The following VANGL2 variants were observed in gnomAD, a reference collection of about 807,000 sequenced individuals.
VANGL2 encodes vang-like protein 2.
VANGL2 carries 14 observed loss-of-function variants against 50.2 expected under a neutral mutation model. The ratio of observed to expected loss-of-function variants is 0.28; its 90% CI spans 0.18 to 0.44. The LOEUF is 0.44. VANGL2 is among the 20% of genes least tolerant of loss of function. The probability of loss-of-function intolerance (pLI) is 1.00; values close to 1 mark genes in which losing one functional copy is unlikely to be tolerated. For synonymous variants in VANGL2, 295 were observed against 297.2 expected (o/e 0.99, Z 0.08); for missense variants, 533 against 701.5 (o/e 0.76, Z 2.71).
Position 160,419,265 on chromosome 1 carries a change from C to T in VANGL2, c.456C>T (p.Val152=), listed in dbSNP as rs770544019. 2.2e-5 allele frequency: 35 copies of T among 1,607,598 alleles called. No homozygotes were observed. The highest frequency in any genetic ancestry group is 5.0e-5 in the Admixed American group (3 of 60,004). Residue 152 remains valine (V), a synonymous_variant, in exon 4 of 8, where the codon GTC becomes GTT. Coordinates refer to ENST00000368061, the MANE Select transcript of VANGL2 (RefSeq NM_020335.3). The surrounding 1 kb of genome is among the most constrained non-coding windows in gnomAD (Gnocchi z 5.8). ...GTACEGLFIS[V]AFKLLILLLG... The stretch of plus-strand genomic sequence containing the variant: ...CCTGCGAGGGCCTCTTCATCTCTGT[C>T]GCCTTCAAGCTGCTCATCCTGCTAC...
intron 1 of VANGL2, among the ~76,000 whole-genome samples, chr1:160,411,346 C>T (rs556148841): frequency 1.4e-4 from 22 of 151,996 alleles, no homozygotes; most frequent in Non-Finnish European, 2.8e-4. Flanking sequence ...CTCCCTGTCT[C>T]GTCATCCCTC....
intron 1 of VANGL2, among the ~76,000 whole-genome samples, chr1:160,411,864 G>T (rs1650892212): frequency 6.7e-6 from 1 of 149,104 alleles, no homozygotes; most frequent in South Asian, 2.1e-4. Context: ...GTTCTGGTTG[G>T]TGTGTGTGTG....
At chr1:160,409,735 G>T (rs1188955878) in intron 1 of VANGL2, among the ~76,000 whole-genome samples, 2 of 152,212 alleles carry the variant, frequency 1.3e-5, no homozygotes, top group African/African-American at 2.4e-5. Context: ...TTAGGCCTTG[G>T]TGAGGTACTC....
intron 5 of VANGL2, 112 bp downstream of exon 5, chr1:160,420,659 C>CT (rs2101968085): frequency 6.7e-7 from 1 of 1,500,710 alleles, no homozygotes; most frequent in Non-Finnish European, 9.2e-7. Context: ...AGCCCATGTT[C>CT]TAGCCGCTTC....
At position 160,416,105 on chromosome 1, in the gene VANGL2, C is replaced by A; in HGVS notation, c.115C>A (p.Arg39=). 2.5e-6 allele frequency: 4 copies of A among 1,614,170 alleles called. No homozygotes were observed. Among genetic ancestry groups the A allele is most frequent in the Non-Finnish European group, 3.4e-6 (4 of 1,180,030 alleles). The part of the protein sequence containing the change: ...RHRSKSRDGG[R]GDKSVTIQAP... ...CCGCTCTAAGAGTCGAGATGGGGGC[C>A]GAGGGGACAAGTCGGTGACAATCCA... Residue 39 remains arginine, a synonymous_variant, in exon 3 of 8, where the codon CGA becomes AGA. Coordinates refer to ENST00000368061, the MANE Select transcript of VANGL2 (RefSeq NM_020335.3).
intron 1 of VANGL2, among the ~76,000 whole-genome samples, chr1:160,414,540 T>C (rs944051981): frequency 4.6e-5 from 7 of 152,240 alleles, no homozygotes; most frequent in African/African-American, 1.7e-4. Flanking sequence ...TTTGCTGTTC[T>C]GCCCTTCCAT....
chr1:160,408,028 C>G (rs1048786225), intron 1 of VANGL2, among the ~76,000 whole-genome samples: 2 of 152,192 alleles, frequency 1.3e-5, no homozygotes, highest in African/African-American at 4.8e-5. Context: ...CTTTCCACCC[C>G]CAGTGTTCTC....
rs1296315330 is a variant in VANGL2, at chr1:160,425,588, C to T, written c.*210C>T. 3.4e-6 allele frequency: 2 copies of T among 585,392 alleles called. No homozygotes were observed. Among genetic ancestry groups the T allele is most frequent in the Non-Finnish European group, 6.0e-6 (2 of 335,588 alleles). 36.3% of individuals were successfully genotyped at this position (585,392 alleles called of 1,614,324 possible). On this transcript the variant is annotated 3_prime_UTR_variant, in exon 8 of 8. Coordinates refer to ENST00000368061, the MANE Select transcript of VANGL2 (RefSeq NM_020335.3). The stretch of plus-strand genomic sequence containing the variant: ...AGAGACCATCCTGCTGTCAACAGTA[C>T]CTGGGAAGGACTCCCACCTCACCAA...
intron 1 of VANGL2, among the ~76,000 whole-genome samples, chr1:160,411,228 T>C (rs1650870847): frequency 1.3e-5 from 2 of 151,890 alleles, no homozygotes; most frequent in South Asian, 4.2e-4. Flanking sequence ...GTTTGTGTCT[T>C]GGGAAGTGGG....
intron 1 of VANGL2, among the ~76,000 whole-genome samples, chr1:160,405,671 G>T (rs1370748506): frequency 2.0e-5 from 3 of 151,996 alleles, no homozygotes; most frequent in African/African-American, 7.3e-5. Context: ...AGGGTGGGAG[G>T]CTTGGGGCCT....
At position 160,415,692 on chromosome 1, in the gene VANGL2, A is replaced by C. The variant is rs1025468137; in HGVS notation, c.-146A>C. The C allele has an allele frequency of 5.4e-6, 5 of 926,840 alleles. No homozygotes were observed. The highest frequency in any genetic ancestry group is 5.0e-6 in the Non-Finnish European group (3 of 598,356). 57.4% of individuals were successfully genotyped at this position (926,840 alleles called of 1,614,324 possible). On this transcript the variant is annotated 5_prime_UTR_variant, in exon 2 of 8. Transcript: ENST00000368061. ...CTGAGACAAGCCCACCCGTCCAGCAAAATAGAGTCCCTCAGGGTGACAGTT... is the reference window on the plus strand; with the variant it reads ...CTGAGACAAGCCCACCCGTCCAGCACAATAGAGTCCCTCAGGGTGACAGTT...
intron 3 of VANGL2, among the ~76,000 whole-genome samples, chr1:160,416,805 C>T (rs1050867969): frequency 1.3e-5 from 2 of 152,092 alleles, no homozygotes; most frequent in Admixed American, 6.5e-5. Flanking sequence ...GTGGGCAGAA[C>T]ACAGTCCTGG....
Position 160,414,718 on chromosome 1 carries a change from A to C in VANGL2, c.-190-930A>C, listed in dbSNP as rs143067855. Among the ~76,000 whole-genome samples the C allele has an allele frequency of 2.2e-3, 341 of 151,560 alleles. 2 individuals carry two copies. Among genetic ancestry groups the C allele is most frequent in the African/African-American group, 7.9e-3 (327 of 41,330 alleles). ...GATGCGTCAATGACTGAAGATAGGA[A>C]GTAAGCGCTCGGTGGATGGTGATGG... is the stretch of plus-strand genomic sequence containing the variant. On this transcript the variant is annotated intron_variant, in intron 1 of 7. Transcript: ENST00000368061.
In VANGL2 at chr1:160,419,213, G is replaced by T. The variant is rs370160195; in HGVS notation, c.404G>T (p.Arg135Leu). 1.7e-5 allele frequency: 27 copies of T among 1,611,778 alleles called. No homozygotes were observed. The highest frequency in any genetic ancestry group is 3.3e-5 in the South Asian group (3 of 91,066). ...CTGCTGCTGCCCCCACTGCTGTGGCGGGAGGAGCTGGAGCCTTGCGGGACG... is the reference window on the plus strand; with the variant it reads ...CTGCTGCTGCCCCCACTGCTGTGGCTGGAGGAGCTGGAGCCTTGCGGGACG... ...AFLLLPPLLW[R>L]EELEPCGTAC... The change falls in exon 4 of 8, where the codon CGG becomes CTG. Residue 135 changes from arginine to leucine, a missense_variant. By Grantham distance (102) the Arg-to-Leu change is moderately radical. Coordinates refer to ENST00000368061, the MANE Select transcript of VANGL2 (RefSeq NM_020335.3). The surrounding 1 kb of genome is among the most constrained non-coding windows in gnomAD (Gnocchi z 5.8).
At chr1:160,421,277 T>C (rs1651265615) in intron 6 of VANGL2, 90 bp downstream of exon 6, 6 of 1,536,352 alleles carry the variant, frequency 3.9e-6, no homozygotes, top group South Asian at 1.2e-5. Flanking sequence ...GCTGGAAATA[T>C]AGGGCAATGA....
chr1:160,407,831 T>C (rs1381700108), intron 1 of VANGL2, among the ~76,000 whole-genome samples: 1 of 152,234 alleles, frequency 6.6e-6, no homozygotes, highest in African/African-American at 2.4e-5. Context: ...GCCAGTTCTC[T>C]GCCTAGGCCA....
chr1:160,420,819 A>C (rs941745824), intron 5 of VANGL2, among the ~76,000 whole-genome samples: 4 of 151,760 alleles, frequency 2.6e-5, no homozygotes, highest in Non-Finnish European at 1.5e-5. Context: ...GAGCTGCAGA[A>C]CCCCCTGCAC....
At chr1:160,414,564 G>A (rs181291333) in intron 1 of VANGL2, among the ~76,000 whole-genome samples, 3 of 152,166 alleles carry the variant, frequency 2.0e-5, no homozygotes, top group African/African-American at 4.8e-5. Context: ...GCCTGCAATC[G>A]GTCGTTTATA....
intron 3 of VANGL2, among the ~76,000 whole-genome samples, 182 bp from the exon 4 acceptor site, chr1:160,418,820 T>A (rs1571244508): frequency 6.6e-6 from 1 of 152,308 alleles, no homozygotes; most frequent in East Asian, 1.9e-4. Context: ...TTGACACACA[T>A]TGGAGCTCAG....
Sources: gnomAD v4.1 joint callset for allele counts (sites outside exome capture counted in the v4.1 genomes callset) on GRCh38, gnomAD v4.1.1 for gene constraint, Gnocchi (gnomAD v3.1) non-coding constraint, MANE v1.5 for transcripts, NCBI Gene and HGNC (gene_info 2026-07-23, HGNC 2026-07-21) for gene names.